MAP2K3: variants seen among roughly 807,000 people sequenced by gnomAD.
MAP2K3 encodes the protein mitogen-activated protein kinase kinase 3.
MAP2K3 carries 30 observed loss-of-function variants against 46.4 expected under a neutral mutation model. The ratio of observed to expected loss-of-function variants is 0.65; its 90% CI spans 0.48 to 0.88. The LOEUF is 0.88. Among genes scored for constraint, MAP2K3 ranks in the 40% least tolerant of loss-of-function variants. The pLI is 0.00. For synonymous variants in MAP2K3, 189 were observed against 176.3 expected (o/e 1.07, Z -0.57); for missense variants, 380 against 464.5 (o/e 0.82, Z 1.67).
Position 21,284,799 on chromosome 17 carries a change from CGCCGCCGCTGCT to C in MAP2K3, c.-121_-110del, listed in dbSNP as rs1040033953. ...CCGCAGTCGCCGCCGCCGCCGCCGC[CGCCGCCGCTGCT>C]CCTCCGCCTGGCCTGGGCCGTCTGC... On this transcript the variant is annotated 5_prime_UTR_variant, in exon 1 of 12. Coordinates refer to ENST00000342679, the MANE Select transcript of MAP2K3 (RefSeq NM_145109.3). 1 of 1,172,640 alleles carries C rather than the reference CGCCGCCGCTGCT, an allele frequency of 8.5e-7. No homozygotes were observed. The highest frequency in any genetic ancestry group is 1.6e-5 in the African/African-American group (1 of 60,744). The allele number at this position is 1,172,640 out of a possible 1,614,324, so 72.6% of individuals were successfully genotyped here. A position where few individuals can be genotyped will look rare whatever the true frequency, so the allele number is the denominator to read the frequency against.
intron 10 of MAP2K3, 40 bp downstream of exon 10, chr17:21,312,321 C>T (rs1977206304): frequency 1.9e-6 from 3 of 1,547,840 alleles, no homozygotes; most frequent in Non-Finnish European, 2.6e-6. Context: ...CACTGCCCCT[C>T]CCTGGCCAGA....
intron 9 of MAP2K3, among the ~76,000 whole-genome samples, chr17:21,311,014 C>T (rs72838566): frequency 1.9e-4 from 29 of 152,182 alleles, no homozygotes; most frequent in Non-Finnish European, 4.0e-4. Flanking sequence ...GAGAAAAGCC[C>T]CCCAAATCGG....
At chr17:21,308,933 CATA>C in intron 9 of MAP2K3, among the ~76,000 whole-genome samples, 1 of 152,296 alleles carries the variant, frequency 6.6e-6, no homozygotes, top group African/African-American at 2.4e-5. Context: ...TCAAATATTG[CATA>C]GCAAACCACC....
intron 1 of MAP2K3, chr17:21,296,088 A>G (rs1976230585): frequency 7.8e-7 from 1 of 1,289,368 alleles, no homozygotes; most frequent in South Asian, 1.2e-5. Flanking sequence ...CTCTGCAGAG[A>G]GGCTGGTCAT....
intron 1 of MAP2K3, among the ~76,000 whole-genome samples, chr17:21,289,309 C>T (rs527662571): frequency 1.3e-5 from 2 of 152,226 alleles, no homozygotes; most frequent in South Asian, 2.1e-4. Flanking sequence ...CTTTGGCATG[C>T]AGCATTAACA....
chr17:21,296,544 C>T (rs1324182034), intron 1 of MAP2K3, among the ~76,000 whole-genome samples: 1 of 152,312 alleles, frequency 6.6e-6, no homozygotes, highest in Non-Finnish European at 1.5e-5. Flanking sequence ...ATGGCCTGGC[C>T]TGTTGGGGTC....
intron 2 of MAP2K3, 129 bp from the exon 3 acceptor site, chr17:21,298,749 C>T (rs1976413513): frequency 2.9e-6 from 4 of 1,380,888 alleles, no homozygotes; most frequent in Admixed American, 1.9e-5. Flanking sequence ...GAGGAGGTGG[C>T]CGGAGAAGGC....
At chr17:21,297,735 C>T (rs1007346761) in intron 1 of MAP2K3, among the ~76,000 whole-genome samples, 25 of 9,614 alleles carry the variant, frequency 2.6e-3, no homozygotes, top group African/African-American at 9.4e-3. Context: ...TGGGGCCTCT[C>T]GCCTGTCCCT....
intron 10 of MAP2K3, 64 bp from the exon 11 acceptor site, chr17:21,313,428 C>T (rs1977255466): frequency 1.4e-6 from 2 of 1,463,586 alleles, no homozygotes; most frequent in Non-Finnish European, 1.9e-6. Flanking sequence ...GGTGGTTTGG[C>T]TGGCCCTTGG....
intron 4 of MAP2K3, 86 bp downstream of exon 4, chr17:21,300,744 T>A: frequency 1.2e-6 from 2 of 1,603,862 alleles, no homozygotes; most frequent in South Asian, 2.2e-5. Flanking sequence ...TCCCTCTCAG[T>A]GATCAGTACC....
chr17:21,312,521 C>A (rs73302046), intron 10 of MAP2K3, among the ~76,000 whole-genome samples: 2 of 152,272 alleles, frequency 1.3e-5, no homozygotes, highest in East Asian at 3.9e-4. Flanking sequence ...AAAAAGAGAA[C>A]AAAGTATATG....
At position 21,314,418 on chromosome 17, in the gene MAP2K3, G is replaced by A. The variant is rs1421291427; in HGVS notation, c.*188G>A. ...AAGTGCCAAAGAAGCAGACCATTGG[G>A]GCTCCCAGCCAGGCCCTTGTCGGCC... On this transcript the variant is annotated 3_prime_UTR_variant, in exon 12 of 12. Coordinates refer to ENST00000342679, the MANE Select transcript of MAP2K3 (RefSeq NM_145109.3). The A allele has an allele frequency of 2.0e-5, 12 of 604,602 alleles. No individual in the cohort carries two copies. The highest frequency in any genetic ancestry group is 1.9e-4 in the South Asian group (10 of 52,532). 37.5% of individuals were successfully genotyped at this position (604,602 alleles called of 1,614,324 possible).
chr17:21,290,560 C>T (rs1305808523), intron 1 of MAP2K3, among the ~76,000 whole-genome samples: 2 of 152,306 alleles, frequency 1.3e-5, no homozygotes, highest in Non-Finnish European at 2.9e-5. Context: ...CTGGCAAGTC[C>T]AGGGAGCCCC....
intron 1 of MAP2K3, chr17:21,288,070 G>A (rs999422841): frequency 1.3e-5 from 17 of 1,289,164 alleles, no homozygotes; most frequent in Admixed American, 6.9e-5. Flanking sequence ...GGAGAAGGCC[G>A]GGGCAGCGGA....
At chr17:21,289,659 C>T (rs748682852) in intron 1 of MAP2K3, among the ~76,000 whole-genome samples, 12 of 152,246 alleles carry the variant, frequency 7.9e-5, no homozygotes, top group Non-Finnish European at 1.3e-4. Context: ...GATGCCTCCC[C>T]GAAGCAGTGG....
rs4995132 is a variant in MAP2K3, at chr17:21,311,023, G to A, written c.775-1119G>A. On this transcript the variant is annotated intron_variant, in intron 9 of 11. Coordinates refer to ENST00000342679, the MANE Select transcript of MAP2K3 (RefSeq NM_145109.3). ...TTCTAAGAGAAAAGCCCCCCAAATC[G>A]GTACGGTTTTGTCCTGTGAACACGC... 9.9e-5 allele frequency among the ~76,000 whole-genome samples: 15 copies of A among 152,224 alleles called. No homozygotes were observed. In the East Asian group the frequency reaches 1.5e-3, roughly 16 times the overall value.
At chr17:21,290,167 C>CTGTGGAT (rs879631798) in intron 1 of MAP2K3, among the ~76,000 whole-genome samples, 16 of 152,102 alleles carry the variant, frequency 1.1e-4, no homozygotes, top group Non-Finnish European at 1.6e-4. Flanking sequence ...CTGCGAGGGG[C>CTGTGGAT]TGTGGATGCC....
At chr17:21,301,941 G>A (rs554590469) in intron 5 of MAP2K3, among the ~76,000 whole-genome samples, 81 of 152,386 alleles carry the variant, frequency 5.3e-4, no homozygotes, top group Non-Finnish European at 9.0e-4. Flanking sequence ...GCTGGCGCCC[G>A]AACCTGGCAG....
At chr17:21,292,339 C>A (rs1975987106) in intron 1 of MAP2K3, among the ~76,000 whole-genome samples, 1 of 152,422 alleles carries the variant, frequency 6.6e-6, no homozygotes, top group South Asian at 2.1e-4. Flanking sequence ...TCTCTTGTTT[C>A]TCCTCGGAAT....
Sources: gnomAD v4.1 joint callset for allele counts (sites outside exome capture counted in the v4.1 genomes callset) on GRCh38, gnomAD v4.1.1 for gene constraint, MANE v1.5 for transcripts, NCBI Gene and HGNC (gene_info 2026-07-23, HGNC 2026-07-21) for gene names.